The following PCNX1 variants were observed in gnomAD, a reference collection of about 807,000 sequenced individuals.
PCNX1 encodes the protein pecanex 1, also known as pecanex-like protein 1.
PCNX1 carries 78 observed loss-of-function variants against 242.2 expected under a neutral mutation model. The ratio of observed to expected loss-of-function variants is 0.32; its 90% CI spans 0.27 to 0.39. The LOEUF (loss-of-function observed/expected upper bound fraction) is 0.39. PCNX1 is among the 10% of genes least tolerant of loss of function. The probability of loss-of-function intolerance (pLI) is 1.00; values close to 1 mark genes in which losing one functional copy is unlikely to be tolerated. For synonymous variants in PCNX1, 1,024 were observed against 1,032.9 expected (o/e 0.99, Z 0.17); for missense variants, 2,581 against 2,856.5 (o/e 0.90, Z 2.20).
chr14:71,019,016 G>A lies in PCNX1; in HGVS notation c.3004G>A (p.Glu1002Lys). Residue 1002 changes from glutamate (E) to lysine (K), a missense_variant, in exon 12 of 36, where the codon GAG (glutamate) becomes AAG (lysine). Glu to Lys is a moderately conservative substitution (Grantham distance 56). Around this residue, in one of 9 missense-constraint regions of PCNX1, gnomAD observed 55 missense variants for 49.8 expected, o/e 1.10. Coordinates refer to ENST00000304743, the MANE Select transcript of PCNX1 (RefSeq NM_014982.3). ...TLLALFDRNR[E>K]ILENVLAVIL... ...AAGTTTTTCTGTCCGTAGAAATCGT[G>A]AGATCCTGGAAAATGTGTTAGCTGT... The A allele has an allele frequency of 6.2e-7, 1 of 1,610,152 alleles. No individual in the cohort carries two copies. Among genetic ancestry groups the A allele is most frequent in the East Asian group, 2.2e-5 (1 of 44,668 alleles).
At chr14:71,102,544 G>A (rs774050817) in intron 31 of PCNX1, among the ~76,000 whole-genome samples, 5 of 152,142 alleles carry the variant, frequency 3.3e-5, no homozygotes, top group Non-Finnish European at 5.9e-5. Flanking sequence ...ACAATTACAG[G>A]TGTGAGCCAC....
In PCNX1 at chr14:71,081,943, G is replaced by A. The variant is rs61990445; in HGVS notation, c.5337+5524G>A. 5.6e-3 allele frequency among the ~76,000 whole-genome samples: 852 copies of A among 152,168 alleles called. 2 individuals are homozygous for A. The highest frequency in any genetic ancestry group is 8.6e-3 in the Non-Finnish European group (584 of 68,000). On this transcript the variant is annotated intron_variant, in intron 28 of 35. Transcript: ENST00000304743. ...TTGCTTTTCTAGTTCTTTTAATTGC[G>A]ATGTTAGGGTGTTGATTTTAGATCT...
chr14:71,021,734 A>G (rs905700174), intron 12 of PCNX1, among the ~76,000 whole-genome samples: 1 of 144,410 alleles, frequency 6.9e-6, no homozygotes, highest in South Asian at 2.2e-4. Flanking sequence ...ACCTATGTAT[A>G]CTCTTCCATT....
intron 5 of PCNX1, among the ~76,000 whole-genome samples, chr14:70,969,693 A>G (rs1343831614): frequency 1.3e-5 from 2 of 152,166 alleles, no homozygotes; most frequent in East Asian, 3.8e-4. Context: ...AAAGACCTTT[A>G]CATGTACTGT....
At chr14:70,972,660 A>G (rs762546658) in intron 5 of PCNX1, among the ~76,000 whole-genome samples, 1 of 152,318 alleles carries the variant, frequency 6.6e-6, no homozygotes, top group African/African-American at 2.4e-5. Flanking sequence ...CCAAGCCTTT[A>G]GTTGGTTAAC....
chr14:71,055,731 A>G (rs536905156), intron 25 of PCNX1, among the ~76,000 whole-genome samples, 169 bp downstream of exon 25: 1 of 152,358 alleles, frequency 6.6e-6, no homozygotes, highest in Non-Finnish European at 1.5e-5. Flanking sequence ...AAATTACAGT[A>G]TCTACAGTTT....
chr14:70,908,461 C>T (rs973996159), intron 1 of PCNX1, among the ~76,000 whole-genome samples: 1 of 152,134 alleles, frequency 6.6e-6, no homozygotes, highest in African/African-American at 2.4e-5. Context: ...TCCGGGGCTC[C>T]CGGGAGAGGC....
intron 7 of PCNX1, among the ~76,000 whole-genome samples, chr14:70,991,806 G>T (rs1289767811): frequency 6.6e-6 from 1 of 152,102 alleles, no homozygotes; most frequent in Non-Finnish European, 1.5e-5. Flanking sequence ...GGATGATATG[G>T]TCATTTAAAA....
chr14:71,066,221 A>G (rs571194730), intron 26 of PCNX1, among the ~76,000 whole-genome samples: 98 of 152,232 alleles, frequency 6.4e-4, no homozygotes, highest in Middle Eastern at 3.4e-3. Context: ...CCATTTTCAC[A>G]ATATTGATTC....
At chr14:70,972,208 G>A (rs796987779) in intron 5 of PCNX1, among the ~76,000 whole-genome samples, 18 of 151,620 alleles carry the variant, frequency 1.2e-4, no homozygotes, top group African/African-American at 4.4e-4. Flanking sequence ...GAGGATGGGG[G>A]CCCGCCAACT....
rs186332572 is a variant in PCNX1 at position 70,988,808 on chromosome 14, C to G, written c.2444+109C>G. 7.4e-6 allele frequency: 10 copies of G among 1,347,738 alleles called. No homozygotes were observed. The African/African-American group carries it at 1.4e-4, about 19-fold the overall frequency. The allele number at this position is 1,347,738 out of a possible 1,614,324, so 83.5% of individuals were successfully genotyped here. A position where few individuals can be genotyped will look rare whatever the true frequency, so the allele number is the denominator to read the frequency against. Reference sequence around the variant, plus strand: ...AAGAGCTTTGTTTTTCTTTTCCTTTCTGTTTCTTTCCTATACATTTAAGCC... The same window carrying G: ...AAGAGCTTTGTTTTTCTTTTCCTTTGTGTTTCTTTCCTATACATTTAAGCC... On this transcript the variant is annotated intron_variant, in intron 7 of 35. Transcript: ENST00000304743.
At chr14:70,996,678 T>G (rs2059362834) in intron 8 of PCNX1, among the ~76,000 whole-genome samples, 1 of 152,184 alleles carries the variant, frequency 6.6e-6, no homozygotes, top group Non-Finnish European at 1.5e-5. Flanking sequence ...AGTAATGGTT[T>G]AAGTAAATAT....
chr14:71,031,963 T>C, intron 16 of PCNX1: 2 of 1,333,468 alleles, frequency 1.5e-6, no homozygotes, highest in Non-Finnish European at 2.2e-6. Flanking sequence ...CATGGCTCTT[T>C]CTAGGCACTG....
At chr14:71,084,325 G>A (rs1161413883) in intron 28 of PCNX1, among the ~76,000 whole-genome samples, 1 of 152,184 alleles carries the variant, frequency 6.6e-6, no homozygotes, top group Admixed American at 6.5e-5. Context: ...GATGCACAGG[G>A]GTCAGGGACC....
chr14:71,068,464 A>G (rs934137444), intron 26 of PCNX1, among the ~76,000 whole-genome samples: 1 of 149,180 alleles, frequency 6.7e-6, no homozygotes, highest in African/African-American at 2.4e-5. Flanking sequence ...GTGTATATAC[A>G]TATATATGTG....
chr14:70,921,912 A>G (rs547494223), intron 1 of PCNX1, among the ~76,000 whole-genome samples: 18 of 152,140 alleles, frequency 1.2e-4, no homozygotes, highest in Non-Finnish European at 2.2e-4. Context: ...TAATTTGTCT[A>G]TTGGTACATT....
chr14:70,947,169 G>A, intron 2 of PCNX1, 46 bp downstream of exon 2: 1 of 1,335,054 alleles, frequency 7.5e-7, no homozygotes, highest in East Asian at 2.4e-5. Flanking sequence ...TTTAGATTGT[G>A]TTATCTGTAT....
rs145830090 is a variant in PCNX1, at chr14:71,007,817, T to C, written c.2630-1817T>C. Among the ~76,000 whole-genome samples, 335 of 152,198 alleles carry C rather than the reference T, an allele frequency of 2.2e-3. 2 individuals carry two copies. Among genetic ancestry groups the C allele is most frequent in the African/African-American group, 7.8e-3 (323 of 41,524 alleles). ...ATTTTTTTTTCGGTAGCAACTTCTG[T>C]AATTCACCCTACCACTTTAAAAAAA... On this transcript the variant is annotated intron_variant, in intron 8 of 35. Coordinates refer to ENST00000304743, the MANE Select transcript of PCNX1 (RefSeq NM_014982.3).
chr14:70,983,020 G>C (rs986684941), intron 6 of PCNX1, among the ~76,000 whole-genome samples: 7 of 152,168 alleles, frequency 4.6e-5, no homozygotes, highest in Non-Finnish European at 1.5e-5. Flanking sequence ...TATAAACAAA[G>C]ACAGTGATGT....
Sources: gnomAD v4.1 joint callset for allele counts (sites outside exome capture counted in the v4.1 genomes callset) on GRCh38, gnomAD v4.1.1 for gene constraint, gnomAD v4.1.1 regional missense constraint, MANE v1.5 for transcripts, NCBI Gene and HGNC (gene_info 2026-07-23, HGNC 2026-07-21) for gene names.